The following TSC2 variants were observed in gnomAD, a reference collection of about 807,000 sequenced individuals.
TSC2 encodes the protein tuberin.
A neutral mutation model predicts 202.2 loss-of-function variants in TSC2; 29 were observed. The observed-to-expected ratio is 0.14, with a 90% CI of 0.11 to 0.20. The LOEUF (loss-of-function observed/expected upper bound fraction) is 0.20, where lower values mean the gene tolerates loss of function less well. TSC2 is among the 10% of genes least tolerant of loss of function. The probability of loss-of-function intolerance (pLI) is 1.00; values close to 1 mark genes in which losing one functional copy is unlikely to be tolerated. For synonymous variants in TSC2, 1,349 were observed against 1,044.0 expected, an observed-to-expected ratio of 1.29 and a Z score of -5.63; for missense variants, 2,429 against 2,420.0, an observed-to-expected ratio of 1.00 and a Z score of -0.08.
At chr16:2,069,484 A>G (rs916857335) in intron 16 of TSC2, among the ~76,000 whole-genome samples, 1 of 125,506 alleles carries the variant, frequency 8.0e-6, no homozygotes, top group Non-Finnish European at 1.7e-5. Context: ...CACCTGGCTA[A>G]TTTTTTTTTT....
chr16:2,065,762 C>T (rs538840416), intron 16 of TSC2, 127 bp downstream of exon 16: 18 of 848,914 alleles, frequency 2.1e-5, no homozygotes, highest in South Asian at 5.6e-5. Flanking sequence ...GCTGAGGGTG[C>T]GGTGGTCTCA....
rs397515264 is a variant in TSC2 at position 2,084,364 on chromosome 16, C to T, written c.4142C>T (p.Pro1381Leu). 2.5e-6 allele frequency: 4 copies of T among 1,612,542 alleles called. No individual in the cohort carries two copies. Among genetic ancestry groups the T allele is most frequent in the African/African-American group, 1.3e-5 (1 of 74,940 alleles). The change falls in exon 34 of 42, where the codon CCC becomes CTC. Residue 1381 changes from proline (P) to leucine (L), a missense_variant. Transcript: ENST00000219476. ...SVDLSFQPSQ[P>L]LSKSSSSPEL... ...GACCTCTCCTTCCAGCCCTCGCAGC[C>T]CCTGAGCAAGTCCAGCTCCTCTCCC...
chr16:2,061,171 G>A (rs1045569916), intron 11 of TSC2: 10 of 372,854 alleles, frequency 2.7e-5, no homozygotes, highest in Admixed American at 1.1e-4. Context: ...TTGGAGGACC[G>A]CATTAGTCGA....
intron 3 of TSC2, among the ~76,000 whole-genome samples, chr16:2,051,409 C>G (rs1409870543): frequency 6.6e-6 from 1 of 152,004 alleles, no homozygotes; most frequent in African/African-American, 2.4e-5. Context: ...CAAGAAAAAT[C>G]AAGAAAGGGT....
Position 2,078,983 on chromosome 16 carries a change from G to A in TSC2, c.2967-49G>A, listed in dbSNP as rs568340308. On this transcript the variant is annotated intron_variant, in intron 26 of 41. Transcript: ENST00000219476. ...TTTGGCCCTTGGTGATAGGTGGCTC[G>A]GCCCGCCCTACCTGGCACCCTGACC... The A allele has an allele frequency of 9.3e-6, 15 of 1,609,340 alleles. No homozygotes were observed. In the Admixed American group the frequency reaches 1.3e-4, roughly 14 times the overall value.
chr16:2,059,339 T>TC (rs1491581293), intron 10 of TSC2, among the ~76,000 whole-genome samples: 7 of 123,176 alleles, frequency 5.7e-5, no homozygotes, highest in African/African-American at 1.3e-4. Context: ...TCTCTCTCTC[T>TC]TTTTTTTTTT....
rs372949465 is a variant in TSC2, at chr16:2,070,441, G to T, written c.1717-15G>T. ...CACCTCCTGCGCCGTGGTGAGCTGCGTCCTCTCTCTGCAGACCAAGCTGTA... is the reference window on the plus strand; with the variant it reads ...CACCTCCTGCGCCGTGGTGAGCTGCTTCCTCTCTCTGCAGACCAAGCTGTA... On this transcript the variant is annotated splice_polypyrimidine_tract_variant and intron_variant, in intron 16 of 41. Coordinates refer to ENST00000219476, the MANE Select transcript of TSC2 (RefSeq NM_000548.5). 8.1e-5 allele frequency: 130 copies of T among 1,613,168 alleles called. No individual in the cohort carries two copies. The highest frequency in any genetic ancestry group is 1.0e-4 in the Non-Finnish European group (121 of 1,180,032).
chr16:2,055,186 G>C, intron 5 of TSC2: 1 of 633,718 alleles, frequency 1.6e-6, no homozygotes, highest in Admixed American at 2.2e-5. Flanking sequence ...GCAGCCCCAG[G>C]GGCGGTAGAT....
intron 32 of TSC2, chr16:2,083,065 G>T: frequency 4.4e-6 from 2 of 454,380 alleles, no homozygotes; most frequent in Non-Finnish European, 8.8e-6. Flanking sequence ...GGCTGCGTGG[G>T]ACGGGCCCTG....
At chr16:2,073,056 C>G in intron 21 of TSC2, 73 bp downstream of exon 21, 1 of 1,604,894 alleles carries the variant, frequency 6.2e-7, no homozygotes, top group Non-Finnish European at 8.5e-7. Context: ...GTAGGCCCCA[C>G]ATTTTTCTCA....
Position 2,089,488 on chromosome 16 carries a change from G to C in TSC2, c.*878G>C, listed in dbSNP as rs1412197969. On this transcript the variant is annotated 3_prime_UTR_variant, in exon 42 of 42. Transcript: ENST00000219476. Reference sequence around the variant, plus strand: ...AAATAAATTAGCATCTCAGAGGCTAGAAACCGTCCAATACTGCTGTGTCCT... The same window carrying C: ...AAATAAATTAGCATCTCAGAGGCTACAAACCGTCCAATACTGCTGTGTCCT... 6 of 580,292 alleles carry C rather than the reference G, an allele frequency of 1.0e-5. No individual in the cohort carries two copies. The highest frequency in any genetic ancestry group is 1.5e-5 in the Non-Finnish European group (5 of 326,298). 35.9% of individuals were successfully genotyped at this position (580,292 alleles called of 1,614,324 possible). A position where few individuals can be genotyped will look rare whatever the true frequency, so the allele number is the denominator to read the frequency against.
chr16:2,056,775 G>C lies in TSC2; in HGVS notation c.774+6G>C. On this transcript the variant is annotated splice_donor_region_variant and intron_variant, in intron 8 of 41. Coordinates refer to ENST00000219476, the MANE Select transcript of TSC2 (RefSeq NM_000548.5). ...TCTGCGAGCCTTGCTGGAAGGTGGG[G>C]TTTCTGAAACTGCTCTGGAAGGTTC... 1 of 1,607,136 alleles carries C rather than the reference G, an allele frequency of 6.2e-7. No homozygotes were observed. Among genetic ancestry groups the C allele is most frequent in the Non-Finnish European group, 8.5e-7 (1 of 1,179,972 alleles).
intron 32 of TSC2, 133 bp downstream of exon 32, chr16:2,082,637 C>A (rs2090285977): frequency 1.0e-6 from 1 of 977,388 alleles, no homozygotes; most frequent in Non-Finnish European, 1.6e-6. Flanking sequence ...TCCCGACTCG[C>A]ATGAGGACGT....
intron 10 of TSC2, 27 bp from the exon 11 acceptor site, chr16:2,060,643 T>G: frequency 6.2e-7 from 1 of 1,613,832 alleles, no homozygotes; most frequent in Non-Finnish European, 8.5e-7. Flanking sequence ...GCTCTGACCC[T>G]GTGTGCTGGC....
chr16:2,072,200 G>A (rs2151314177), intron 19 of TSC2, 41 bp from the exon 20 acceptor site: 1 of 1,612,904 alleles, frequency 6.2e-7, no homozygotes, highest in South Asian at 1.1e-5. Flanking sequence ...TCTGTCTCTA[G>A]GGTCCAGAAG....
At chr16:2,082,320 T>C (rs1252905598) in intron 31 of TSC2, 116 bp from the exon 32 acceptor site, 9 of 1,261,684 alleles carry the variant, frequency 7.1e-6, no homozygotes, top group Non-Finnish European at 6.9e-6. Context: ...TGCGCGCCCC[T>C]GCCGGCCGCT....
intron 26 of TSC2, among the ~76,000 whole-genome samples, chr16:2,077,938 C>T (rs2089636967): frequency 6.6e-6 from 1 of 152,182 alleles, no homozygotes; most frequent in Admixed American, 6.5e-5. Context: ...CCCCAGGCCC[C>T]CTCGGGGTGC....
chr16:2,084,123 G>A lies in TSC2; in HGVS notation c.4006-105G>A, dbSNP rs949764494. The A allele has an allele frequency of 7.1e-6, 11 of 1,539,762 alleles. No homozygotes were observed. In the African/African-American group the frequency reaches 1.5e-4, roughly 21 times the overall value. On this transcript the variant is annotated intron_variant, in intron 33 of 41. Transcript: ENST00000219476. Reference sequence around the variant, plus strand: ...AGCCTGGTGCTCGGGCTGGTCTGTGGCCCTGGGATGGAGGACAGATAGGGC... The same window carrying A: ...AGCCTGGTGCTCGGGCTGGTCTGTGACCCTGGGATGGAGGACAGATAGGGC...
chr16:2,082,255 A>G, intron 31 of TSC2, 181 bp from the exon 32 acceptor site: 1 of 681,776 alleles, frequency 1.5e-6, no homozygotes, highest in South Asian at 1.7e-5. Context: ...GGGAGGAGGG[A>G]GGCACTGCCC....
Sources: gnomAD v4.1 joint callset for allele counts (sites outside exome capture counted in the v4.1 genomes callset) on GRCh38, gnomAD v4.1.1 for gene constraint, MANE v1.5 for transcripts, NCBI Gene and HGNC (gene_info 2026-07-23, HGNC 2026-07-21) for gene names.